ATP5F1B: variants seen among roughly 807,000 people sequenced by gnomAD.
The protein encoded by ATP5F1B is ATP synthase F(1) complex subunit beta, mitochondrial.
In ATP5F1B, 17 loss-of-function variants were observed where a neutral mutation model predicts 45.9. The observed-to-expected ratio is 0.37, with a 90% CI of 0.25 to 0.56. The LOEUF (loss-of-function observed/expected upper bound fraction) is 0.56. Among genes scored for constraint, ATP5F1B ranks in the 20% least tolerant of loss-of-function variants. The pLI is 0.80. For synonymous variants in ATP5F1B, 218 were observed against 256.5 expected, an observed-to-expected ratio of 0.85 and a Z score of 1.43; for missense variants, 387 against 673.2, an observed-to-expected ratio of 0.57 and a Z score of 4.70.
At chr12:56,643,274 C>T (rs1007969986) in intron 5 of ATP5F1B, 129 bp downstream of exon 5, 33 of 882,868 alleles carry the variant, frequency 3.7e-5, no homozygotes, top group Admixed American at 6.4e-5. Context: ...CCCTGGGACA[C>T]GAAAATGAAA....
At chr12:56,641,595 G>A (rs1331316077) in intron 7 of ATP5F1B, among the ~76,000 whole-genome samples, 2 of 151,332 alleles carry the variant, frequency 1.3e-5, no homozygotes, top group East Asian at 1.9e-4. Flanking sequence ...AGGCTGGAGT[G>A]AGTGGCCCAA....
intron 4 of ATP5F1B, 93 bp from the exon 5 acceptor site, chr12:56,643,680 C>A: frequency 6.3e-7 from 1 of 1,586,156 alleles, no homozygotes; most frequent in South Asian, 1.1e-5. Context: ...CCATCCTATT[C>A]CTTCTCAGAA....
chr12:56,645,459 C>T, intron 1 of ATP5F1B, 106 bp from the exon 2 acceptor site: 1 of 1,285,898 alleles, frequency 7.8e-7, no homozygotes, highest in Non-Finnish European at 1.1e-6. Flanking sequence ...GAAGTCAGGC[C>T]TCTTTCCGCT....
intron 2 of ATP5F1B, 86 bp downstream of exon 2, chr12:56,645,085 A>G: frequency 1.2e-6 from 2 of 1,606,406 alleles, no homozygotes; most frequent in East Asian, 2.2e-5. Flanking sequence ...TCATTTTGAT[A>G]AAATCATCAT....
intron 1 of ATP5F1B, 75 bp downstream of exon 1, chr12:56,645,762 G>C (rs969019085): frequency 1.3e-6 from 2 of 1,567,600 alleles, no homozygotes; most frequent in African/African-American, 1.4e-5. Flanking sequence ...CCTTAGGCCC[G>C]AGCTACCATC....
intron 4 of ATP5F1B, 108 bp from the exon 5 acceptor site, chr12:56,643,695 C>A: frequency 6.3e-7 from 1 of 1,579,190 alleles, no homozygotes. Context: ...TCAGAAATTG[C>A]ATCTGGCTTC....
intron 3 of ATP5F1B, among the ~76,000 whole-genome samples, chr12:56,644,374 G>A (rs1046429381): frequency 3.5e-5 from 4 of 113,592 alleles, no homozygotes; most frequent in African/African-American, 8.4e-5. Flanking sequence ...TTGGGGGGCC[G>A]AGGTGGGGGG....
At chr12:56,643,745 G>A (rs1244108639) in intron 4 of ATP5F1B, 92 bp downstream of exon 4, 6 of 1,584,744 alleles carry the variant, frequency 3.8e-6, no homozygotes, top group Non-Finnish European at 5.2e-6. Flanking sequence ...GTACTCATCA[G>A]TGAGGAATAG....
chr12:56,643,395 A>G lies in ATP5F1B; in HGVS notation c.792+8T>C, dbSNP rs1458544282. On this transcript the variant is annotated splice_region_variant and intron_variant, in intron 5 of 9. Transcript: ENST00000262030. ...TACCACGTGGACATCAATTAGCTCA[A>G]TGCTTACCTTAGAGGTGGCATCTTT... 5.0e-6 allele frequency: 8 copies of G among 1,612,974 alleles called. No homozygotes were observed. The Admixed American group carries it at 1.3e-4, about 27-fold the overall frequency.
chr12:56,642,852 C>G (rs377383488), intron 5 of ATP5F1B, 21 bp from the exon 6 acceptor site: 2 of 1,613,180 alleles, frequency 1.2e-6, no homozygotes, highest in Admixed American at 1.7e-5. Flanking sequence ...CATACATAAT[C>G]GTAAAACCTG....
intron 3 of ATP5F1B, 95 bp downstream of exon 3, chr12:56,644,686 G>T: frequency 7.4e-7 from 1 of 1,356,478 alleles, no homozygotes; most frequent in Non-Finnish European, 1.0e-6. Flanking sequence ...CGTATCAGAA[G>T]AAAAATTCTG....
intron 7 of ATP5F1B, among the ~76,000 whole-genome samples, chr12:56,641,645 G>A (rs1951512885): frequency 6.6e-6 from 1 of 151,924 alleles, no homozygotes; most frequent in Admixed American, 6.6e-5. Flanking sequence ...CCGCCTCCCA[G>A]GTTCAAGCAA....
At chr12:56,643,184 T>G in intron 5 of ATP5F1B, 1 of 497,496 alleles carries the variant, frequency 2.0e-6, no homozygotes, top group East Asian at 3.2e-5. Context: ...TTATTTAATG[T>G]CAGTATCAAA....
At position 56,644,911 on chromosome 12, in the gene ATP5F1B, A is replaced by G. The variant is rs760762096; in HGVS notation, c.355T>C (p.Leu119=). ...TCCAGTACTTTCTGGCCTCTAACCA[A>G]GCCTTCTGTACCATCCATAGCAATA... ...RTIAMDGTEG[L]VRGQKVLDSG... Residue 119 remains leucine, a synonymous_variant, in exon 3 of 10, where the codon TTG becomes CTG. Coordinates refer to ENST00000262030, the MANE Select transcript of ATP5F1B (RefSeq NM_001686.4). 6.2e-7 allele frequency: 1 copy of G among 1,614,182 alleles called. No individual in the cohort carries two copies. Among genetic ancestry groups the G allele is most frequent in the Admixed American group, 1.7e-5 (1 of 60,018 alleles).
At position 56,642,287 on chromosome 12, in the gene ATP5F1B, C is replaced by T. The variant is rs576377396; in HGVS notation, c.1074+171G>A. 1.2e-4 allele frequency among the ~76,000 whole-genome samples: 16 copies of T among 132,284 alleles called. No homozygotes were observed. The East Asian group carries it at 3.1e-3, about 26-fold the overall frequency. 86.8% of individuals were successfully genotyped at this position (132,284 alleles called of 152,430 possible). On this transcript the variant is annotated intron_variant, in intron 7 of 9. Transcript: ENST00000262030. ...TTGGTATTACAGGCATGAACCACCACGCCTGGCCCAGTCAGTTTTATACAT... is the reference window on the plus strand; with the variant it reads ...TTGGTATTACAGGCATGAACCACCATGCCTGGCCCAGTCAGTTTTATACAT...
intron 5 of ATP5F1B, chr12:56,643,145 C>T: frequency 8.2e-6 from 4 of 485,856 alleles, no homozygotes; most frequent in Non-Finnish European, 1.1e-5. Flanking sequence ...AATGATGGGA[C>T]TATCTACCAA....
At position 56,645,848 on chromosome 12, in the gene ATP5F1B, G is replaced by C. The variant is rs776218742; in HGVS notation, c.116C>G (p.Ala39Gly). The C allele has an allele frequency of 3.1e-6, 5 of 1,608,698 alleles. No homozygotes were observed. The African/African-American group carries it at 6.7e-5, about 21-fold the overall frequency. The change falls in exon 1 of 10, where the codon GCG becomes GGG. Residue 39 changes from alanine to glycine, a missense_variant. Around this residue, in one of 6 missense-constraint regions of ATP5F1B, gnomAD observed 76 missense variants for 62.0 expected, o/e 1.23. Coordinates refer to ENST00000262030, the MANE Select transcript of ATP5F1B (RefSeq NM_001686.4). Reference protein sequence around the residue: ...AQLLLRAAPTAVHPVRDYAAQ... With the variant: ...AQLLLRAAPTGVHPVRDYAAQ... ...AGAAAAGCACTTACCAGGATGGACC[G>C]CCGTCGGAGCGGCCCGCAGTAAGAG...
chr12:56,643,749 G>C (rs1485092669), intron 4 of ATP5F1B, 88 bp downstream of exon 4: 9 of 1,587,302 alleles, frequency 5.7e-6, no homozygotes, highest in Non-Finnish European at 6.1e-6. Context: ...TCATCAGTGA[G>C]GAATAGATGT....
At chr12:56,641,133 G>C (rs1310525999) in intron 7 of ATP5F1B, among the ~76,000 whole-genome samples, 1 of 152,062 alleles carries the variant, frequency 6.6e-6, no homozygotes, top group Non-Finnish European at 1.5e-5. Context: ...GGGAGGCTGA[G>C]TCAGGCAGAT....
Sources: gnomAD v4.1 joint callset for allele counts (sites outside exome capture counted in the v4.1 genomes callset) on GRCh38, gnomAD v4.1.1 for gene constraint, gnomAD v4.1.1 regional missense constraint, MANE v1.5 for transcripts, NCBI Gene and HGNC (gene_info 2026-07-23, HGNC 2026-07-21) for gene names.